Variants in PTPRT observed in about 807,000 individuals in gnomAD.
PTPRT encodes receptor-type tyrosine-protein phosphatase T.
PTPRT carries 56 observed loss-of-function variants against 176.8 expected under a neutral mutation model. That is an observed-to-expected ratio of 0.32 (90% CI 0.26 to 0.40). The LOEUF (loss-of-function observed/expected upper bound fraction) is 0.40, where lower values mean the gene tolerates loss of function less well. Ranked by LOEUF, PTPRT falls within the 10% of genes least tolerant of loss-of-function variation. PTPRT has a pLI of 1.00. For synonymous variants in PTPRT, 783 were observed against 739.0 expected (o/e 1.06, Z -0.96); for missense variants, 1,540 against 1,908.2 (o/e 0.81, Z 3.60).
chr20:42,971,421 T>C (rs923754026), intron 1 of PTPRT: 1 of 152,148 alleles, frequency 6.6e-6, no homozygotes, highest in African/African-American at 2.4e-5. Flanking sequence ...AAATCAGATG[T>C]CTCTCCCCTG....
intron 29 of PTPRT, 97 bp downstream of exon 29, chr20:42,084,585 G>A: frequency 8.9e-7 from 1 of 1,127,554 alleles, no homozygotes; most frequent in Non-Finnish European, 1.1e-6. Context: ...GGTATAGCCA[G>A]GCCTGCCTAG....
chr20:42,917,744 A>AT lies in PTPRT; in HGVS notation c.89-31813dup, dbSNP rs1978870374. 2.0e-5 allele frequency among the ~76,000 whole-genome samples: 3 copies of AT among 152,302 alleles called. No homozygotes were observed. In the South Asian group the frequency reaches 6.2e-4, roughly 32 times the overall value. On this transcript the variant is annotated intron_variant, in intron 1 of 30. Coordinates refer to ENST00000373187, the MANE Select transcript of PTPRT (RefSeq NM_007050.6). ...AGCTACTACTGCCCCCATTTTACTG[A>AT]TAAAAAAACAAAGTGCCTCCAGAAG...
chr20:42,140,606 C>T (rs4812582), intron 18 of PTPRT, among the ~76,000 whole-genome samples: 50,978 of 151,946 alleles, frequency 0.34, 8,812 homozygotes, highest in East Asian at 0.54. Context: ...GGTGAGACTA[C>T]TGCAGTAGTC....
chr20:42,471,515 C>T (rs2071197445), intron 8 of PTPRT, among the ~76,000 whole-genome samples: 1 of 152,204 alleles, frequency 6.6e-6, no homozygotes, highest in South Asian at 2.1e-4. Flanking sequence ...TGAGTAAAAG[C>T]TCCTCAGCCT....
chr20:42,984,033 C>T (rs1227343782), intron 1 of PTPRT, among the ~76,000 whole-genome samples: 5 of 152,190 alleles, frequency 3.3e-5, no homozygotes, highest in Admixed American at 2.0e-4. Context: ...CCACCATGTT[C>T]GCTCACAATC....
chr20:42,275,054 T>G (rs995969285), intron 13 of PTPRT, among the ~76,000 whole-genome samples: 6 of 152,190 alleles, frequency 3.9e-5, no homozygotes, highest in African/African-American at 1.2e-4. Context: ...TTGAGCCCAT[T>G]TGGCCCATCA....
At chr20:42,113,940 TC>T (rs1190311774) in intron 22 of PTPRT, among the ~76,000 whole-genome samples, 1 of 152,128 alleles carries the variant, frequency 6.6e-6, no homozygotes, top group Non-Finnish European at 1.5e-5. Context: ...AGGGGGAGCT[TC>T]CGGGGCAAAC....
chr20:42,055,485 C>T, the PTPRT span, among the ~76,000 whole-genome samples: 1 of 152,154 alleles, frequency 6.6e-6, no homozygotes, highest in Admixed American at 6.5e-5. Context: ...AGCAGCCAGG[C>T]CAGCAGTATT....
At chr20:43,136,642 A>C (rs2146391331) in intron 1 of PTPRT, among the ~76,000 whole-genome samples, 1 of 152,218 alleles carries the variant, frequency 6.6e-6, no homozygotes, top group Admixed American at 6.5e-5. Flanking sequence ...ACACACACAC[A>C]CACAGAGCAC....
intron 2 of PTPRT, among the ~76,000 whole-genome samples, chr20:42,804,129 A>G (rs2077570532): frequency 6.6e-6 from 1 of 152,080 alleles, no homozygotes; most frequent in African/African-American, 2.4e-5. Context: ...GCCTCTTGAA[A>G]TCAAGCACCT....
At chr20:42,242,881 C>T (rs1045448921) in intron 14 of PTPRT, among the ~76,000 whole-genome samples, 3 of 151,758 alleles carry the variant, frequency 2.0e-5, no homozygotes, top group South Asian at 4.2e-4. Flanking sequence ...TTTGAGAGTA[C>T]GAGCTTTATT....
At chr20:42,039,195 T>C in the PTPRT span, among the ~76,000 whole-genome samples, 1 of 152,184 alleles carries the variant, frequency 6.6e-6, no homozygotes, top group Non-Finnish European at 1.5e-5. Context: ...AAAAAATTAA[T>C]TTATTTTAAA....
At chr20:42,069,717 C>G (rs1313312983), downstream of PTPRT, among the ~76,000 whole-genome samples, 1 of 152,180 alleles carries the variant, frequency 6.6e-6, no homozygotes, top group Non-Finnish European at 1.5e-5. Flanking sequence ...TTTATTTTCT[C>G]TATGCATCTG....
chr20:42,310,625 A>AT (rs374446779), intron 12 of PTPRT, among the ~76,000 whole-genome samples: 18 of 149,916 alleles, frequency 1.2e-4, no homozygotes, highest in African/African-American at 1.7e-4. Flanking sequence ...TTTATTGGAG[A>AT]TTTTTTTTTT....
chr20:43,146,985 T>A (rs2014189118), intron 1 of PTPRT, among the ~76,000 whole-genome samples: 1 of 152,148 alleles, frequency 6.6e-6, no homozygotes, highest in Admixed American at 6.5e-5. Context: ...CTTCTCTGAC[T>A]CCCATCTCAC....
chr20:42,660,280 T>A (rs1224995007), intron 7 of PTPRT, among the ~76,000 whole-genome samples: 2 of 152,170 alleles, frequency 1.3e-5, no homozygotes, highest in Non-Finnish European at 2.9e-5. Flanking sequence ...TAGGTTCTCT[T>A]ACAGCTGTGA....
rs763631753 is a variant in PTPRT at position 42,081,993 on chromosome 20, G to C, written c.4161C>G (p.Thr1387=). The part of the protein sequence containing the change: ...HCLNGGGRSG[T]FCAICSVCEM... ...CACACACACTGCAGATGGCACAGAA[G>C]GTTCCACTACGGCCTCCCCCATTTC... The change falls in exon 30 of 31, where the codon ACC becomes ACG. Residue 1387 remains threonine (T), a synonymous_variant. Transcript: ENST00000373187. 6.2e-6 allele frequency: 10 copies of C among 1,614,214 alleles called. No individual in the cohort carries two copies. Among genetic ancestry groups the C allele is most frequent in the Middle Eastern group, 1.7e-4 (1 of 6,060 alleles).
At chr20:42,854,323 T>A (rs2078525907) in intron 2 of PTPRT, among the ~76,000 whole-genome samples, 1 of 152,184 alleles carries the variant, frequency 6.6e-6, no homozygotes, top group African/African-American at 2.4e-5. Context: ...GAAGCACACA[T>A]CCTATTCACG....
At position 42,104,513 on chromosome 20, in the gene PTPRT, T is replaced by C. The variant is rs188635797; in HGVS notation, c.3540+56A>G. 5.3e-6 allele frequency: 8 copies of C among 1,510,288 alleles called. No homozygotes were observed. The East Asian group carries it at 1.6e-4, about 30-fold the overall frequency. The allele number at this position is 1,510,288 out of a possible 1,614,324, so 93.6% of individuals were successfully genotyped here. A position where few individuals can be genotyped will look rare whatever the true frequency, so the allele number is the denominator to read the frequency against. ...TTAAACCACCCAATCTATGGAAATT[T>C]GTTATAACAACCCAAACTGACTAAG... On this transcript the variant is annotated intron_variant, in intron 25 of 30. Coordinates refer to ENST00000373187, the MANE Select transcript of PTPRT (RefSeq NM_007050.6).
Sources: gnomAD v4.1 joint callset for allele counts (sites outside exome capture counted in the v4.1 genomes callset) on GRCh38, gnomAD v4.1.1 for gene constraint, MANE v1.5 for transcripts, NCBI Gene and HGNC (gene_info 2026-07-23, HGNC 2026-07-21) for gene names.